Variants in LNX2 observed in about 807,000 individuals in gnomAD.
LNX2 encodes ligand of numb-protein X 2.
A neutral mutation model predicts 66.2 loss-of-function variants in LNX2; 35 were observed. The ratio of observed to expected loss-of-function variants is 0.53; its 90% CI spans 0.40 to 0.70. LNX2 has a LOEUF of 0.70. LNX2 is among the 30% of genes least tolerant of loss of function. LNX2 has a pLI of 0.00. For synonymous variants in LNX2, 337 were observed against 315.6 expected, an observed-to-expected ratio of 1.07 and a Z score of -0.72; for missense variants, 791 against 850.8, an observed-to-expected ratio of 0.93 and a Z score of 0.87.
intron 6 of LNX2, among the ~76,000 whole-genome samples, 157 bp from the exon 7 acceptor site, chr13:27,556,570 G>C (rs770126942): frequency 7.9e-5 from 12 of 152,060 alleles, no homozygotes; most frequent in Non-Finnish European, 1.8e-4. Flanking sequence ...TTCTTAATAA[G>C]TCTGCTGTGG....
chr13:27,611,217 G>A (rs1019294668), intron 1 of LNX2, among the ~76,000 whole-genome samples: 11 of 152,156 alleles, frequency 7.2e-5, no homozygotes, highest in African/African-American at 2.7e-4. Flanking sequence ...AATGTCTACC[G>A]ACAGATAAAC....
intron 1 of LNX2, among the ~76,000 whole-genome samples, chr13:27,609,404 C>T (rs1420346232): frequency 6.6e-6 from 1 of 152,060 alleles, no homozygotes; most frequent in African/African-American, 2.4e-5. Flanking sequence ...GATCTGCCTG[C>T]TTTGGCTTCC....
At chr13:27,559,707 C>G (rs1955105618) in intron 6 of LNX2, 135 bp downstream of exon 6, 1 of 804,276 alleles carries the variant, frequency 1.2e-6, no homozygotes, top group East Asian at 3.0e-5. Context: ...AATAACAACC[C>G]TCATTTGAAT....
chr13:27,568,997 A>G (rs1470148252), intron 3 of LNX2, 32 bp downstream of exon 3: 1 of 1,565,638 alleles, frequency 6.4e-7, no homozygotes, highest in East Asian at 2.3e-5. Context: ...GGAAATAGAG[A>G]TGAAATACAC....
chr13:27,614,361 T>G (rs1284006360), intron 1 of LNX2, among the ~76,000 whole-genome samples: 1 of 152,148 alleles, frequency 6.6e-6, no homozygotes, highest in Admixed American at 6.5e-5. Flanking sequence ...GGTTTTTTGG[T>G]TGGACCCACT....
chr13:27,590,841 A>T (rs1208818505), intron 1 of LNX2, among the ~76,000 whole-genome samples: 1 of 152,178 alleles, frequency 6.6e-6, no homozygotes, highest in African/African-American at 2.4e-5. Context: ...TATCTTAACT[A>T]AGAACAAGAT....
intron 7 of LNX2, 129 bp downstream of exon 7, chr13:27,556,107 G>T: frequency 1.2e-6 from 1 of 858,554 alleles, no homozygotes. Context: ...GCTTCCATAT[G>T]CAAGGGACAG....
chr13:27,555,854 T>C (rs1955053725), intron 7 of LNX2, among the ~76,000 whole-genome samples: 1 of 152,206 alleles, frequency 6.6e-6, no homozygotes, highest in Non-Finnish European at 1.5e-5. Flanking sequence ...CTAAAATTAA[T>C]TTTGTCTTCT....
intron 7 of LNX2, among the ~76,000 whole-genome samples, chr13:27,554,236 T>C (rs1006239965): frequency 6.6e-6 from 1 of 152,192 alleles, no homozygotes; most frequent in Non-Finnish European, 1.5e-5. Flanking sequence ...ATACTACAAC[T>C]GGACAAATAA....
chr13:27,588,724 A>T (rs1955519307), intron 1 of LNX2, among the ~76,000 whole-genome samples: 1 of 152,220 alleles, frequency 6.6e-6, no homozygotes, highest in Non-Finnish European at 1.5e-5. Flanking sequence ...AGTTTAATTA[A>T]AAAATTACTG....
intron 2 of LNX2, among the ~76,000 whole-genome samples, chr13:27,576,901 A>C (rs143426241): frequency 7.9e-5 from 12 of 152,292 alleles, no homozygotes; most frequent in African/African-American, 2.6e-4. Flanking sequence ...TGAATTGGGC[A>C]ATGTTTTCTT....
intron 6 of LNX2, among the ~76,000 whole-genome samples, chr13:27,556,614 T>C (rs1955064391): frequency 1.3e-5 from 2 of 152,224 alleles, no homozygotes; most frequent in Admixed American, 1.3e-4. Flanking sequence ...GTTATTTTCA[T>C]GACTGTTTAT....
At chr13:27,600,509 GA>G (rs1257237016) in intron 1 of LNX2, among the ~76,000 whole-genome samples, 2 of 152,182 alleles carry the variant, frequency 1.3e-5, no homozygotes, top group Non-Finnish European at 1.5e-5. Context: ...AGTAGGTAAA[GA>G]AATCTGTAAG....
intron 1 of LNX2, among the ~76,000 whole-genome samples, chr13:27,594,789 C>T (rs779721408): frequency 1.3e-5 from 2 of 152,172 alleles, no homozygotes; most frequent in African/African-American, 4.8e-5. Context: ...ATTTTCCATA[C>T]CTAGGCACCA....
At chr13:27,617,110 C>A (rs1264269341) in intron 1 of LNX2, among the ~76,000 whole-genome samples, 1 of 152,172 alleles carries the variant, frequency 6.6e-6, no homozygotes, top group Non-Finnish European at 1.5e-5. Context: ...TTTTCTGAAT[C>A]CAACCAAACA....
Position 27,561,788 on chromosome 13 carries a change from C to T in LNX2, c.1224+625G>A, listed in dbSNP as rs192895549. On this transcript the variant is annotated intron_variant, in intron 5 of 9. Transcript: ENST00000316334. ...TAGAAGTTGCTCATATCATTAAATG[C>T]TATGGCATGTTGCAGAATGTATAGA... Among the ~76,000 whole-genome samples the T allele has an allele frequency of 1.1e-3, 164 of 152,310 alleles. 1 individual carries two copies. Among genetic ancestry groups the T allele is most frequent in the African/African-American group, 3.8e-3 (156 of 41,564 alleles).
chr13:27,550,622 A>G (rs1416078235), intron 8 of LNX2, 131 bp from the exon 9 acceptor site: 2 of 660,720 alleles, frequency 3.0e-6, no homozygotes, highest in South Asian at 2.2e-5. Flanking sequence ...TAATAAATAG[A>G]TTATTTTGAC....
chr13:27,568,965 T>C lies in LNX2; in HGVS notation c.655+64A>G, dbSNP rs1459391020. The C allele has an allele frequency of 5.4e-6, 8 of 1,472,898 alleles. No individual in the cohort carries two copies. The East Asian group carries it at 1.0e-4, about 18-fold the overall frequency. 91.2% of individuals were successfully genotyped at this position (1,472,898 alleles called of 1,614,324 possible). The stretch of plus-strand genomic sequence containing the variant: ...TCTTTAAAGATGAAAAAAGTACATG[T>C]TGGGCAAGTAGTGGGAAGAAAGGAA... On this transcript the variant is annotated intron_variant, in intron 3 of 9. Transcript: ENST00000316334.
At chr13:27,560,843 T>C (rs1343729538) in intron 5 of LNX2, among the ~76,000 whole-genome samples, 1 of 152,086 alleles carries the variant, frequency 6.6e-6, no homozygotes, top group Non-Finnish European at 1.5e-5. Context: ...TTTAAAGAAA[T>C]TGTGGTACAA....
Sources: allele counts gnomAD v4.1 joint callset (sites outside exome capture counted in the v4.1 genomes callset), GRCh38; gene constraint gnomAD v4.1.1; transcripts MANE v1.5; gene names NCBI Gene and HGNC (gene_info 2026-07-23, HGNC 2026-07-21).